CDH8: variants seen among roughly 807,000 people sequenced by gnomAD.
The protein encoded by CDH8 is cadherin-8.
Under a neutral mutation model 68.1 loss-of-function variants are expected in CDH8, and 17 were observed. The ratio of observed to expected loss-of-function variants is 0.25; its 90% CI spans 0.17 to 0.37. CDH8 has a LOEUF of 0.37. CDH8 is among the 10% of genes least tolerant of loss of function. The pLI, the probability that CDH8 is intolerant of heterozygous loss-of-function variation, is 1.00. For missense variants in CDH8, 763 were observed against 999.3 expected (o/e 0.76, Z 3.19); for synonymous variants, 372 against 365.1 (o/e 1.02, Z -0.21).
intron 5 of CDH8, 126 bp downstream of exon 5, chr16:61,824,886 T>C: frequency 4.0e-6 from 3 of 751,560 alleles, no homozygotes; most frequent in South Asian, 1.7e-5. Flanking sequence ...AATCATGCCA[T>C]ACCTGGCACA....
rs541644900 is a variant in CDH8 at position 61,832,277 on chromosome 16, A to C, written c.668-7098T>G. Among the ~76,000 whole-genome samples, 3 of 151,752 alleles carry C rather than the reference A, an allele frequency of 2.0e-5. No individual in the cohort carries two copies. The East Asian group carries it at 5.8e-4, about 30-fold the overall frequency. On this transcript the variant is annotated intron_variant, in intron 4 of 11. Transcript: ENST00000577390. The stretch of plus-strand genomic sequence containing the variant: ...ACAGCACTTCCCTTTCTTTGTGACT[A>C]ATAATTTATGATTTAGATAGATGGG...
At chr16:61,683,744 A>G (rs1188963753) in intron 10 of CDH8, among the ~76,000 whole-genome samples, 1 of 152,084 alleles carries the variant, frequency 6.6e-6, no homozygotes, top group African/African-American at 2.4e-5. Flanking sequence ...AGAGTCTTAT[A>G]GATGGAAATA....
intron 8 of CDH8, among the ~76,000 whole-genome samples, chr16:61,761,347 G>C (rs1247102981): frequency 1.3e-5 from 2 of 152,098 alleles, no homozygotes; most frequent in Non-Finnish European, 2.9e-5. Flanking sequence ...GGAGTAAATT[G>C]AAGCTTTAGA....
intron 2 of CDH8, among the ~76,000 whole-genome samples, chr16:62,010,935 C>T (rs1318921966): frequency 7.9e-6 from 1 of 127,312 alleles, no homozygotes; most frequent in African/African-American, 2.7e-5. Flanking sequence ...AAGAGCGAAA[C>T]TCCATTTCAA....
intron 8 of CDH8, among the ~76,000 whole-genome samples, chr16:61,732,733 G>A (rs1001416466): frequency 1.3e-5 from 2 of 151,770 alleles, no homozygotes; most frequent in Non-Finnish European, 2.9e-5. Flanking sequence ...ATAAAAGACT[G>A]TATAAATCCA....
In CDH8 at chr16:61,883,168, T is replaced by C. The variant is rs1415473728; in HGVS notation, c.547+18011A>G. Among the ~76,000 whole-genome samples the C allele has an allele frequency of 2.0e-5, 3 of 152,238 alleles. 1 individual carries two copies. The highest frequency in any genetic ancestry group is 6.8e-3 in the Middle Eastern group (2 of 294). On this transcript the variant is annotated intron_variant, in intron 3 of 11. Coordinates refer to ENST00000577390, the MANE Select transcript of CDH8 (RefSeq NM_001796.5). ...AGAGTATGTATCCTTGACTGGTATATACCAAAACGTAAACATGCATTTTGT... is the reference window on the plus strand; with the variant it reads ...AGAGTATGTATCCTTGACTGGTATACACCAAAACGTAAACATGCATTTTGT...
At chr16:61,710,355 CTCT>C (rs1567434681) in intron 10 of CDH8, among the ~76,000 whole-genome samples, 3 of 152,084 alleles carry the variant, frequency 2.0e-5, no homozygotes. Context: ...ATAAATTATA[CTCT>C]ATACAGTTAA....
At chr16:61,925,139 G>A (rs1056511407) in intron 2 of CDH8, among the ~76,000 whole-genome samples, 2 of 152,116 alleles carry the variant, frequency 1.3e-5, no homozygotes, top group African/African-American at 4.8e-5. Context: ...AAATTGCTGA[G>A]GCAGTCCAAG....
rs200701399 is a variant in CDH8, at chr16:61,653,924, A to G, written c.2084T>C (p.Leu695Ser). The G allele has an allele frequency of 2.5e-5, 40 of 1,614,192 alleles. No individual in the cohort carries two copies. The East Asian group carries it at 8.2e-4, about 33-fold the overall frequency. ...ATCTGGTTTAATATCCTTACGGGGT[A>G]AAAATCCATTAATTCCATCTGGATT... ...LQNPDGINGFLPRKDIKPDLQ... is the reference protein window; with the variant it reads ...LQNPDGINGFSPRKDIKPDLQ... The change falls in exon 12 of 12, where the codon TTA becomes TCA. Residue 695 changes from leucine to serine, a missense_variant. Coordinates refer to ENST00000577390, the MANE Select transcript of CDH8 (RefSeq NM_001796.5).
intron 10 of CDH8, chr16:61,692,566 G>GT (rs1424588915): frequency 1.6e-5 from 2 of 124,448 alleles, no homozygotes; most frequent in Non-Finnish European, 3.6e-5. Flanking sequence ...GAGAGTTGTG[G>GT]GTTTTTTTTT....
At chr16:62,034,966 C>T (rs9928128) in intron 1 of CDH8, 75,295 of 152,128 alleles carry the variant, frequency 0.49, 19,752 homozygotes, top group African/African-American at 0.67. Flanking sequence ...TGACATGCCG[C>T]CGGCTCCGTG....
intron 3 of CDH8, among the ~76,000 whole-genome samples, chr16:61,857,989 T>C (rs191669218): frequency 8.4e-4 from 128 of 152,074 alleles, no homozygotes; most frequent in African/African-American, 3.0e-3. Flanking sequence ...ACCAAATCTC[T>C]ATACATTTTG....
intron 10 of CDH8, among the ~76,000 whole-genome samples, chr16:61,712,868 T>C (rs1416051876): frequency 1.3e-5 from 2 of 151,698 alleles, no homozygotes; most frequent in African/African-American, 2.4e-5. Context: ...TAAAATGTTA[T>C]TTTACTTCAT....
chr16:61,758,647 G>A (rs1411708285), intron 8 of CDH8, among the ~76,000 whole-genome samples: 1 of 152,072 alleles, frequency 6.6e-6, no homozygotes, highest in Admixed American at 6.6e-5. Flanking sequence ...TGGCCAGGCT[G>A]TTCTTGAACT....
At chr16:61,657,586 T>C (rs1963471943) in intron 10 of CDH8, among the ~76,000 whole-genome samples, 3 of 152,118 alleles carry the variant, frequency 2.0e-5, no homozygotes, top group Non-Finnish European at 2.9e-5. Context: ...AAAACAGATA[T>C]AGAATATATA....
rs1263717105 is a variant in CDH8, at chr16:61,653,641, G to C, written c.2367C>G (p.Leu789=). The part of the protein sequence containing the change: ...WGPRFKRLGE[L]YSVGESDKET ...CTTTGTCACTTTCACCAACAGAGTA[G>C]AGTTCGCCCAGTCTCTTAAAGCGGG... is the stretch of plus-strand genomic sequence containing the variant. Residue 789 remains leucine (L), a synonymous_variant, in exon 12 of 12, where the codon CTC becomes CTG. Transcript: ENST00000577390. The C allele has an allele frequency of 1.2e-6, 2 of 1,613,402 alleles. No individual in the cohort carries two copies. Among genetic ancestry groups the C allele is most frequent in the Admixed American group, 1.7e-5 (1 of 59,864 alleles).
At chr16:61,860,246 T>C (rs1459195059) in intron 3 of CDH8, among the ~76,000 whole-genome samples, 1 of 152,114 alleles carries the variant, frequency 6.6e-6, no homozygotes, top group East Asian at 1.9e-4. Flanking sequence ...ACGAAGGGCT[T>C]CACCACATGC....
intron 8 of CDH8, among the ~76,000 whole-genome samples, chr16:61,764,659 T>C (rs879772660): frequency 6.6e-6 from 1 of 152,088 alleles, no homozygotes; most frequent in Non-Finnish European, 1.5e-5. Context: ...TGGCATGATG[T>C]AGACAAAGAA....
At chr16:61,985,356 T>A (rs1453579321) in intron 2 of CDH8, among the ~76,000 whole-genome samples, 1 of 152,210 alleles carries the variant, frequency 6.6e-6, no homozygotes, top group Non-Finnish European at 1.5e-5. Context: ...ACTATCTACA[T>A]GTCAAGTATT....
Sources: allele counts gnomAD v4.1 joint callset (sites outside exome capture counted in the v4.1 genomes callset), GRCh38; gene constraint gnomAD v4.1.1; transcripts MANE v1.5; gene names NCBI Gene and HGNC (gene_info 2026-07-23, HGNC 2026-07-21).